The following ZRANB3 variants were observed in gnomAD, a reference collection of about 807,000 sequenced individuals.
ZRANB3 encodes DNA annealing helicase and endonuclease ZRANB3.
ZRANB3 carries 125 observed loss-of-function variants against 133.8 expected under a neutral mutation model. The ratio of observed to expected loss-of-function variants is 0.93; its 90% confidence interval spans 0.81 to 1.08. ZRANB3 has a LOEUF of 1.08. Among genes scored for constraint, ZRANB3 ranks in the 50% least tolerant of loss-of-function variants. The pLI, the probability that ZRANB3 is intolerant of heterozygous loss-of-function variation, is 0.00. For synonymous variants in ZRANB3, 387 were observed against 432.7 expected (o/e 0.89, Z 1.31); for missense variants, 1,229 against 1,275.5 (o/e 0.96, Z 0.56).
chr2:135,384,824 G>C (rs1686888737), intron 3 of ZRANB3, among the ~76,000 whole-genome samples: 1 of 152,056 alleles, frequency 6.6e-6, no homozygotes, highest in South Asian at 2.1e-4. Flanking sequence ...CAATAAATTG[G>C]GTATTGATGG....
At chr2:135,264,292 G>A (rs1166317579) in intron 12 of ZRANB3, among the ~76,000 whole-genome samples, 6 of 151,476 alleles carry the variant, frequency 4.0e-5, no homozygotes, top group Non-Finnish European at 8.8e-5. Flanking sequence ...CCAACATAGT[G>A]AAACCCTGTC....
chr2:135,205,443 A>C (rs577571056), intron 19 of ZRANB3, among the ~76,000 whole-genome samples: 1 of 151,886 alleles, frequency 6.6e-6, no homozygotes, highest in Non-Finnish European at 1.5e-5. Flanking sequence ...CTAATTTTTC[A>C]GGTTTTTTTT....
intron 8 of ZRANB3, among the ~76,000 whole-genome samples, chr2:135,305,776 T>C (rs1301517883): frequency 6.6e-6 from 1 of 152,256 alleles, no homozygotes; most frequent in Non-Finnish European, 1.5e-5. Context: ...CTAGTGATGA[T>C]AAATTCCTTC....
At chr2:135,351,808 C>T (rs1417703814) in intron 4 of ZRANB3, among the ~76,000 whole-genome samples, 1 of 152,060 alleles carries the variant, frequency 6.6e-6, no homozygotes, top group Admixed American at 6.5e-5. Flanking sequence ...TCTTTAAGTA[C>T]CTGGAAGACA....
intron 17 of ZRANB3, among the ~76,000 whole-genome samples, chr2:135,211,660 AC>A: frequency 6.6e-6 from 1 of 151,812 alleles, no homozygotes; most frequent in Non-Finnish European, 1.5e-5. Context: ...TGCTCTTTTT[AC>A]CAAAACATGC....
intron 14 of ZRANB3, among the ~76,000 whole-genome samples, chr2:135,226,383 T>G (rs1004490725): frequency 6.6e-6 from 1 of 152,226 alleles, no homozygotes; most frequent in African/African-American, 2.4e-5. Context: ...GCATTTAACA[T>G]AGTGTGCCTA....
At chr2:135,220,063 G>C (rs1299857069) in intron 15 of ZRANB3, among the ~76,000 whole-genome samples, 1 of 151,756 alleles carries the variant, frequency 6.6e-6, no homozygotes, top group Non-Finnish European at 1.5e-5. Context: ...TGTAGAGACA[G>C]GTTTTCAACA....
intron 3 of ZRANB3, among the ~76,000 whole-genome samples, chr2:135,363,065 G>A (rs112849534): frequency 8.1e-4 from 124 of 152,238 alleles, no homozygotes; most frequent in African/African-American, 2.7e-3. Context: ...AGTAGCAGTC[G>A]TGCTTGGTGG....
At chr2:135,448,533 T>C (rs571586205) in intron 2 of ZRANB3, among the ~76,000 whole-genome samples, 5 of 152,050 alleles carry the variant, frequency 3.3e-5, no homozygotes, top group African/African-American at 4.8e-5. Flanking sequence ...ACACAAGAAA[T>C]AGGAGTAAAG....
At chr2:135,287,399 G>C (rs1304450617) in intron 8 of ZRANB3, among the ~76,000 whole-genome samples, 1 of 152,126 alleles carries the variant, frequency 6.6e-6, no homozygotes, top group Non-Finnish European at 1.5e-5. Flanking sequence ...CTTTGGCTAT[G>C]ATGAGTCTTT....
intron 3 of ZRANB3, among the ~76,000 whole-genome samples, chr2:135,355,584 C>T (rs1287765677): frequency 1.3e-5 from 2 of 151,890 alleles, no homozygotes; most frequent in African/African-American, 4.8e-5. Flanking sequence ...CTCAAACTCC[C>T]GACCTCAGGT....
chr2:135,436,074 T>C (rs1006045984), intron 2 of ZRANB3, among the ~76,000 whole-genome samples: 4 of 152,180 alleles, frequency 2.6e-5, no homozygotes, highest in South Asian at 2.1e-4. Flanking sequence ...GTGTCTAGGA[T>C]TGTACTGCCT....
At chr2:135,416,940 C>T (rs1424224799) in intron 2 of ZRANB3, among the ~76,000 whole-genome samples, 1 of 152,120 alleles carries the variant, frequency 6.6e-6, no homozygotes, top group Non-Finnish European at 1.5e-5. Context: ...CTTCCTTACA[C>T]CTTATACAAA....
intron 3 of ZRANB3, among the ~76,000 whole-genome samples, chr2:135,382,914 A>G (rs1686785706): frequency 6.6e-6 from 1 of 152,234 alleles, no homozygotes; most frequent in East Asian, 1.9e-4. Flanking sequence ...CATCGAGGCT[A>G]GGAAGAAAGT....
At position 135,448,603 on chromosome 2, in the gene ZRANB3, A is replaced by G. The variant is rs143917722; in HGVS notation, c.161+55726T>C. 1.8e-4 allele frequency among the ~76,000 whole-genome samples: 28 copies of G among 152,324 alleles called. No individual in the cohort carries two copies. The East Asian group carries it at 5.0e-3, about 27-fold the overall frequency. On this transcript the variant is annotated intron_variant, in intron 2 of 20. Coordinates refer to ENST00000264159, the MANE Select transcript of ZRANB3 (RefSeq NM_032143.4). ...CATATGAGTGGGCAAATTATTCATTAATGATAAAAATGAGAAGGAATTAAT... is the reference window on the plus strand; with the variant it reads ...CATATGAGTGGGCAAATTATTCATTGATGATAAAAATGAGAAGGAATTAAT...
At chr2:135,339,055 C>T (rs572063512) in intron 6 of ZRANB3, among the ~76,000 whole-genome samples, 139 of 152,148 alleles carry the variant, frequency 9.1e-4, no homozygotes, top group African/African-American at 3.2e-3. Context: ...GTGGGAGGAT[C>T]GCTGAAGCCC....
At chr2:135,273,764 C>T (rs1401808491) in intron 9 of ZRANB3, among the ~76,000 whole-genome samples, 3 of 152,078 alleles carry the variant, frequency 2.0e-5, no homozygotes, top group South Asian at 2.1e-4. Flanking sequence ...CTCGAACTCC[C>T]GACCTCAGAT....
intron 1 of ZRANB3, among the ~76,000 whole-genome samples, chr2:135,517,483 A>G (rs1408329256): frequency 3.3e-5 from 5 of 152,028 alleles, no homozygotes; most frequent in Non-Finnish European, 7.4e-5. Context: ...GTTGATACTG[A>G]TGCTACTCCT....
chr2:135,353,632 A>C lies in ZRANB3; in HGVS notation c.181-4T>G, dbSNP rs779856228. On this transcript the variant is annotated splice_polypyrimidine_tract_variant and splice_region_variant and intron_variant, in intron 3 of 20. Coordinates refer to ENST00000264159, the MANE Select transcript of ZRANB3 (RefSeq NM_032143.4). The stretch of plus-strand genomic sequence containing the variant: ...GGATTGTCTTTCCTAGACCCATCTA[A>C]ATTAAAAAATAAATAAATGTTAATA... 4 of 1,435,644 alleles carry C rather than the reference A, an allele frequency of 2.8e-6. No individual in the cohort carries two copies. Among genetic ancestry groups the C allele is most frequent in the Non-Finnish European group, 3.7e-6 (4 of 1,089,424 alleles). The allele number at this position is 1,435,644 out of a possible 1,614,324, so 88.9% of individuals were successfully genotyped here.
Sources: gnomAD v4.1 joint callset for allele counts (sites outside exome capture counted in the v4.1 genomes callset) on GRCh38, gnomAD v4.1.1 for gene constraint, MANE v1.5 for transcripts, NCBI Gene and HGNC (gene_info 2026-07-23, HGNC 2026-07-21) for gene names.